GSG1L: variants seen among roughly 807,000 people sequenced by gnomAD.
GSG1L encodes the protein germ cell-specific gene 1-like protein.
A neutral mutation model predicts 42.1 loss-of-function variants in GSG1L; 24 were observed. The observed-to-expected ratio is 0.57, with a 90% CI of 0.41 to 0.80. GSG1L has a LOEUF of 0.80. Among genes scored for constraint, GSG1L ranks in the 30% least tolerant of loss-of-function variants. GSG1L has a pLI of 0.00. For synonymous variants in GSG1L, 215 were observed against 203.5 expected (o/e 1.06, Z -0.48); for missense variants, 445 against 472.2 (o/e 0.94, Z 0.53).
intron 2 of GSG1L, among the ~76,000 whole-genome samples, chr16:27,953,647 G>A (rs1243109055): frequency 6.6e-6 from 1 of 152,190 alleles, no homozygotes; most frequent in East Asian, 1.9e-4. Flanking sequence ...GGGAGGCCAA[G>A]GTGGGCAGAT....
intron 1 of GSG1L, among the ~76,000 whole-genome samples, chr16:28,032,850 G>A (rs549980585): frequency 2.0e-5 from 3 of 152,116 alleles, no homozygotes; most frequent in Non-Finnish European, 4.4e-5. Context: ...CTTCCCACAA[G>A]GCCGAGGCAC....
intron 2 of GSG1L, among the ~76,000 whole-genome samples, chr16:27,961,185 A>G (rs994389446): frequency 2.2e-4 from 34 of 152,334 alleles, no homozygotes; most frequent in African/African-American, 7.9e-4. Context: ...ACGTTCACAC[A>G]TGCTCACCCA....
At chr16:27,846,173 T>C (rs538873373) in intron 3 of GSG1L, among the ~76,000 whole-genome samples, 42 of 152,336 alleles carry the variant, frequency 2.8e-4, no homozygotes, top group African/African-American at 9.9e-4. Context: ...GTCCCACCGA[T>C]CTTTCTCTGT....
intron 3 of GSG1L, among the ~76,000 whole-genome samples, chr16:27,855,815 A>G (rs1457965870): frequency 6.6e-6 from 1 of 151,990 alleles, no homozygotes; most frequent in Non-Finnish European, 1.5e-5. Flanking sequence ...TACTAGCAAG[A>G]AATCACCCTC....
intron 6 of GSG1L, among the ~76,000 whole-genome samples, chr16:27,801,244 A>C (rs571629738): frequency 7.9e-5 from 12 of 152,310 alleles, no homozygotes; most frequent in African/African-American, 2.2e-4. Flanking sequence ...CAGGGTAAGG[A>C]GCAAGATCTA....
chr16:28,016,962 G>T (rs527876943), intron 1 of GSG1L, among the ~76,000 whole-genome samples: 29 of 152,308 alleles, frequency 1.9e-4, no homozygotes, highest in Non-Finnish European at 3.5e-4. Flanking sequence ...TCTTGCCTCC[G>T]CCTTTAGGGT....
intron 2 of GSG1L, among the ~76,000 whole-genome samples, chr16:27,911,280 T>TCTCTCTCTCTCTCTCTCTCTC (rs150893140): frequency 2.6e-4 from 37 of 144,292 alleles, no homozygotes; most frequent in African/African-American, 7.3e-4. Context: ...TCTCTCTCTC[T>TCTCTCTCTCTCTCTCTCTCTC]CTCTCTCTCT....
chr16:27,906,781 T>G (rs530222134), intron 2 of GSG1L, among the ~76,000 whole-genome samples: 20 of 152,248 alleles, frequency 1.3e-4, no homozygotes, highest in East Asian at 5.8e-4. Flanking sequence ...TTTGAAATGA[T>G]CATACCTTTG....
At chr16:28,026,531 C>T (rs1364088245) in intron 1 of GSG1L, among the ~76,000 whole-genome samples, 1 of 152,166 alleles carries the variant, frequency 6.6e-6, no homozygotes, top group African/African-American at 2.4e-5. Context: ...GCCCTCCATA[C>T]CAGGCATTTA....
chr16:27,799,855 C>T (rs1212490174), intron 6 of GSG1L, among the ~76,000 whole-genome samples: 1 of 152,308 alleles, frequency 6.6e-6, no homozygotes, highest in Non-Finnish European at 1.5e-5. Flanking sequence ...AAGCAAGCGA[C>T]AAAATGCAGA....
At chr16:27,829,268 G>C (rs1046066917) in intron 4 of GSG1L, among the ~76,000 whole-genome samples, 1 of 152,188 alleles carries the variant, frequency 6.6e-6, no homozygotes, top group Non-Finnish European at 1.5e-5. Flanking sequence ...CTTATGTTCA[G>C]TCTGGTAAGG....
intron 1 of GSG1L, among the ~76,000 whole-genome samples, chr16:28,045,812 A>G (rs1327693781): frequency 6.6e-6 from 1 of 152,262 alleles, no homozygotes; most frequent in East Asian, 1.9e-4. Context: ...CCTGGGCAAC[A>G]TGGTGAAACT....
intron 1 of GSG1L, among the ~76,000 whole-genome samples, chr16:28,042,530 G>A (rs1230221970): frequency 6.6e-6 from 1 of 151,990 alleles, no homozygotes; most frequent in African/African-American, 2.4e-5. Flanking sequence ...TACCATTGGA[G>A]ATATGTCAGG....
intron 3 of GSG1L, among the ~76,000 whole-genome samples, chr16:27,866,156 G>C (rs2083721238): frequency 6.6e-6 from 1 of 151,804 alleles, no homozygotes; most frequent in Non-Finnish European, 1.5e-5. Flanking sequence ...GCCTCTCTCT[G>C]TCTGTCCTCT....
At chr16:27,925,446 T>A (rs1322063407) in intron 2 of GSG1L, among the ~76,000 whole-genome samples, 2 of 151,944 alleles carry the variant, frequency 1.3e-5, no homozygotes, top group African/African-American at 4.8e-5. Flanking sequence ...GGGAGAAGTG[T>A]TTAAATGCTG....
At chr16:27,791,843 C>G (rs1385199647) in intron 6 of GSG1L, among the ~76,000 whole-genome samples, 2 of 152,064 alleles carry the variant, frequency 1.3e-5, no homozygotes, top group Non-Finnish European at 2.9e-5. Flanking sequence ...CAGCCATCCT[C>G]CTACCACCCA....
intron 2 of GSG1L, among the ~76,000 whole-genome samples, chr16:27,944,529 G>A (rs1417230045): frequency 6.6e-6 from 1 of 151,778 alleles, no homozygotes; most frequent in African/African-American, 2.4e-5. Flanking sequence ...GGCTGAGGCA[G>A]GAGAATTGCT....
chr16:28,026,482 C>T (rs928342761), intron 1 of GSG1L, among the ~76,000 whole-genome samples: 4 of 152,258 alleles, frequency 2.6e-5, no homozygotes, highest in South Asian at 2.1e-4. Flanking sequence ...GTGCACGAGT[C>T]GGCTTTCGCT....
chr16:27,852,927 C>T (rs550281372), intron 3 of GSG1L, among the ~76,000 whole-genome samples: 20 of 152,068 alleles, frequency 1.3e-4, no homozygotes, highest in Non-Finnish European at 2.5e-4. Context: ...CCCGGGGCAC[C>T]GGGTACCGCT....
Sources: gnomAD v4.1 joint callset for allele counts (sites outside exome capture counted in the v4.1 genomes callset) on GRCh38, gnomAD v4.1.1 for gene constraint, MANE v1.5 for transcripts, NCBI Gene and HGNC (gene_info 2026-07-23, HGNC 2026-07-21) for gene names.